The following ROCK1 variants were observed in gnomAD, a reference collection of about 807,000 sequenced individuals.
The protein encoded by ROCK1 is Rho associated coiled-coil containing protein kinase 1, also known as rho-associated protein kinase 1.
A neutral mutation model predicts 196.8 loss-of-function variants in ROCK1; 36 were observed. The observed-to-expected ratio is 0.18, with a 90% confidence interval of 0.14 to 0.24. The LOEUF (loss-of-function observed/expected upper bound fraction) is 0.24. ROCK1 is among the 10% of genes least tolerant of loss of function. ROCK1 has a pLI of 1.00. For missense variants in ROCK1, 920 were observed against 1,562.0 expected, an observed-to-expected ratio of 0.59 and a Z score of 6.93; for synonymous variants, 443 against 515.9, an observed-to-expected ratio of 0.86 and a Z score of 1.91.
At chr18:21,104,727 C>A (rs2036689238) in intron 1 of ROCK1, among the ~76,000 whole-genome samples, 1 of 152,154 alleles carries the variant, frequency 6.6e-6, no homozygotes. Context: ...AAAAGATACA[C>A]ACAGAAAGAG....
intron 29 of ROCK1, chr18:20,955,471 A>C (rs1385228719): frequency 1.2e-5 from 6 of 490,188 alleles, no homozygotes; most frequent in African/African-American, 7.8e-5. Context: ...AATGCAGAGA[A>C]AGTAAATCAC....
intron 4 of ROCK1, among the ~76,000 whole-genome samples, chr18:21,048,059 A>G (rs1391981644): frequency 1.3e-5 from 2 of 152,142 alleles, no homozygotes; most frequent in Non-Finnish European, 2.9e-5. Context: ...ATTATAATCT[A>G]CCCAAAACCC....
chr18:20,975,565 T>C (rs2035472422), intron 22 of ROCK1, among the ~76,000 whole-genome samples: 1 of 152,226 alleles, frequency 6.6e-6, no homozygotes, highest in Non-Finnish European at 1.5e-5. Context: ...CTGTTTTTCT[T>C]GACCTTTGTG....
intron 11 of ROCK1, among the ~76,000 whole-genome samples, chr18:21,021,268 G>T (rs2143464498): frequency 6.6e-6 from 1 of 152,278 alleles, no homozygotes; most frequent in South Asian, 2.1e-4. Flanking sequence ...GAAGTATACA[G>T]AAGAGAGAGA....
In ROCK1 at chr18:20,949,940, GAT is replaced by G. The variant is rs1234641148; in HGVS notation, c.*1442_*1443del. 2 of 152,636 alleles carry G rather than the reference GAT, an allele frequency of 1.3e-5. No homozygotes were observed. Among genetic ancestry groups the G allele is most frequent in the Non-Finnish European group, 2.9e-5 (2 of 68,044 alleles). The allele number at this position is 152,636 out of a possible 1,614,324, so 9.5% of individuals were successfully genotyped here. On this transcript the variant is annotated 3_prime_UTR_variant, in exon 33 of 33. Transcript: ENST00000399799. ...CAGAGTCATTAGTATATTAATAACA[GAT>G]ATGTTTATTATTACATATCCATCAG...
chr18:20,975,136 T>A (rs1296800571), intron 22 of ROCK1, among the ~76,000 whole-genome samples: 4 of 152,012 alleles, frequency 2.6e-5, no homozygotes, highest in Non-Finnish European at 5.9e-5. Context: ...ATACAACAGG[T>A]AAGAAAATTA....
At chr18:21,020,278 GAAT>G (rs748821820) in intron 11 of ROCK1, 39 bp from the exon 12 acceptor site, 13 of 1,101,846 alleles carry the variant, frequency 1.2e-5, no homozygotes, top group Non-Finnish European at 1.6e-5. Context: ...ATTCTACTAA[GAAT>G]ATTTAGACAT....
chr18:21,102,437 G>C lies in ROCK1; in HGVS notation c.93+8381C>G, dbSNP rs143834191. On this transcript the variant is annotated intron_variant, in intron 1 of 32. Transcript: ENST00000399799. ...TGACACTATAAATTCCATGAAAGTG[G>C]GACATGTTTGTTTTTACTCACCATG... is the stretch of plus-strand genomic sequence containing the variant. Among the ~76,000 whole-genome samples the C allele has an allele frequency of 2.1e-3, 318 of 152,212 alleles. 1 individual carries two copies. The highest frequency in any genetic ancestry group is 7.2e-3 in the African/African-American group (297 of 41,522).
chr18:20,990,097 TA>T (rs1460673608), intron 18 of ROCK1, among the ~76,000 whole-genome samples: 4 of 151,750 alleles, frequency 2.6e-5, no homozygotes, highest in African/African-American at 9.7e-5. Context: ...AAATAATTTT[TA>T]AAAATTGAAA....
chr18:21,043,726 A>T (rs72879423), intron 6 of ROCK1, among the ~76,000 whole-genome samples: 2 of 151,586 alleles, frequency 1.3e-5, no homozygotes, highest in African/African-American at 4.9e-5. Context: ...GTAAAACACT[A>T]AAAAATACAC....
chr18:20,953,888 T>C, intron 31 of ROCK1, 103 bp from the exon 32 acceptor site: 2 of 555,052 alleles, frequency 3.6e-6, no homozygotes, highest in Non-Finnish European at 3.1e-6. Flanking sequence ...TTTTAAAAGT[T>C]TTAATATGCT....
At chr18:21,086,524 T>C (rs1362790745) in intron 1 of ROCK1, among the ~76,000 whole-genome samples, 1 of 152,194 alleles carries the variant, frequency 6.6e-6, no homozygotes. Context: ...ATCATTCATT[T>C]TCCATGGAAC....
chr18:21,079,020 C>T (rs1375801306), intron 1 of ROCK1, among the ~76,000 whole-genome samples: 1 of 152,116 alleles, frequency 6.6e-6, no homozygotes, highest in Middle Eastern at 3.2e-3. Context: ...TTTATTAGTG[C>T]CCCTCTCAGC....
intron 13 of ROCK1, among the ~76,000 whole-genome samples, chr18:21,009,563 C>A (rs2219950): frequency 0.043 from 6,571 of 152,122 alleles, 473 homozygotes; most frequent in African/African-American, 0.15. Flanking sequence ...TTCTGGAATA[C>A]ATGCCCAAGA....
chr18:21,109,393 GA>G (rs2036730036), intron 1 of ROCK1, among the ~76,000 whole-genome samples: 1 of 152,106 alleles, frequency 6.6e-6, no homozygotes, highest in South Asian at 2.1e-4. Context: ...ATGTAATAAG[GA>G]GATCGAAAAG....
intron 29 of ROCK1, among the ~76,000 whole-genome samples, chr18:20,958,648 A>AC (rs1475805441): frequency 6.6e-6 from 1 of 150,976 alleles, no homozygotes; most frequent in East Asian, 1.9e-4. Flanking sequence ...TCCACAGGGA[A>AC]CTGATTCCAG....
At chr18:20,959,136 ATATT>A (rs1232309116) in intron 29 of ROCK1, among the ~76,000 whole-genome samples, 2 of 63,704 alleles carry the variant, frequency 3.1e-5, no homozygotes, top group African/African-American at 1.6e-4. Context: ...TATATTATAT[ATATT>A]ATATAAAATA....
chr18:21,058,926 T>C (rs2036266424), intron 2 of ROCK1, among the ~76,000 whole-genome samples: 1 of 152,090 alleles, frequency 6.6e-6, no homozygotes, highest in Non-Finnish European at 1.5e-5. Flanking sequence ...TCAAATAAAA[T>C]CACACTCTAG....
chr18:21,027,485 T>A (rs144179139), intron 10 of ROCK1, among the ~76,000 whole-genome samples: 1 of 152,182 alleles, frequency 6.6e-6, no homozygotes, highest in African/African-American at 2.4e-5. Context: ...AAAGCTAACA[T>A]GAACTCATAC....
Sources: gnomAD v4.1 joint callset for allele counts (sites outside exome capture counted in the v4.1 genomes callset) on GRCh38, gnomAD v4.1.1 for gene constraint, MANE v1.5 for transcripts, NCBI Gene and HGNC (gene_info 2026-07-23, HGNC 2026-07-21) for gene names.